The following SRGAP1 variants were observed in gnomAD, a reference collection of about 807,000 sequenced individuals.
The protein encoded by SRGAP1 is SLIT-ROBO Rho GTPase-activating protein 1.
A neutral mutation model predicts 121.9 loss-of-function variants in SRGAP1; 43 were observed. That is an observed-to-expected ratio of 0.35 (90% CI 0.28 to 0.46). The LOEUF is 0.46. Ranked by LOEUF, SRGAP1 falls within the 20% of genes least tolerant of loss-of-function variation. SRGAP1 has a pLI of 1.00. For synonymous variants in SRGAP1, 447 were observed against 485.4 expected (o/e 0.92, Z 1.04); for missense variants, 1,102 against 1,350.9 (o/e 0.82, Z 2.89).
At chr12:63,848,193 A>T (rs1488401036) in intron 1 of SRGAP1, among the ~76,000 whole-genome samples, 1 of 151,654 alleles carries the variant, frequency 6.6e-6, no homozygotes, top group Non-Finnish European at 1.5e-5. Context: ...TTTAGTAGAG[A>T]TGGGGTTTCG....
intron 1 of SRGAP1, among the ~76,000 whole-genome samples, chr12:63,861,195 T>C (rs1308744496): frequency 6.7e-6 from 1 of 149,530 alleles, no homozygotes; most frequent in Non-Finnish European, 1.5e-5. Flanking sequence ...TTTTTTTTAA[T>C]AGAGACAGGG....
At chr12:63,900,450 C>T (rs953306074) in intron 1 of SRGAP1, among the ~76,000 whole-genome samples, 6 of 151,698 alleles carry the variant, frequency 4.0e-5, no homozygotes, top group South Asian at 2.1e-4. Flanking sequence ...GTGGTCCACC[C>T]GCCTCAGCCT....
At chr12:63,938,773 A>G (rs2136347525) in intron 1 of SRGAP1, among the ~76,000 whole-genome samples, 1 of 151,212 alleles carries the variant, frequency 6.6e-6, no homozygotes, top group East Asian at 1.9e-4. Context: ...AAATTCCTTT[A>G]AGTTGAATGA....
At chr12:63,914,829 C>T (rs891686844) in intron 1 of SRGAP1, among the ~76,000 whole-genome samples, 4 of 151,728 alleles carry the variant, frequency 2.6e-5, no homozygotes, top group South Asian at 2.1e-4. Flanking sequence ...AGCTGACCTA[C>T]GTAATTAGGA....
At position 64,148,011 on chromosome 12, in the gene SRGAP1, GCA is replaced by G. The variant is rs2037079443; in HGVS notation, c.*5342_*5343del. On this transcript the variant is annotated 3_prime_UTR_variant, in exon 22 of 22. Transcript: ENST00000355086. Reference sequence around the variant, plus strand: ...TGTTCATTTGGAAATAGGGTGTCCTGCACAGGGCCCTGCCCATGAAGCTGTGG... The same window carrying G: ...TGTTCATTTGGAAATAGGGTGTCCTGCAGGGCCCTGCCCATGAAGCTGTGG... The G allele has an allele frequency of 2.9e-5, 5 of 174,442 alleles. No individual in the cohort carries two copies. Among genetic ancestry groups the G allele is most frequent in the African/African-American group, 1.2e-4 (5 of 42,450 alleles). 10.8% of individuals were successfully genotyped at this position (174,442 alleles called of 1,614,324 possible).
chr12:63,962,701 C>T (rs2032677602), intron 1 of SRGAP1, among the ~76,000 whole-genome samples: 1 of 152,180 alleles, frequency 6.6e-6, no homozygotes, highest in Non-Finnish European at 1.5e-5. Flanking sequence ...AGCCACCGCA[C>T]CCAGCCAAAA....
rs546962157 is a variant in SRGAP1, at chr12:63,980,173, C to T, written c.68-3774C>T. Reference sequence around the variant, plus strand: ...GCTCAAGCGATCCTTGCACCTCAGCCTCCTGGGTAGTTGGGATTGCAGGCA... The same window carrying T: ...GCTCAAGCGATCCTTGCACCTCAGCTTCCTGGGTAGTTGGGATTGCAGGCA... On this transcript the variant is annotated intron_variant, in intron 1 of 21. Transcript: ENST00000355086. 2.6e-5 allele frequency among the ~76,000 whole-genome samples: 4 copies of T among 152,334 alleles called. No homozygotes were observed. In the South Asian group the frequency reaches 6.2e-4, roughly 24 times the overall value.
chr12:64,108,754 C>T, intron 15 of SRGAP1, 178 bp from the exon 16 acceptor site: 1 of 400,088 alleles, frequency 2.5e-6, no homozygotes, highest in Non-Finnish European at 4.4e-6. Flanking sequence ...GAGATGCCCT[C>T]TGGAATGGTG....
intron 3 of SRGAP1, among the ~76,000 whole-genome samples, chr12:64,007,678 C>A (rs1200113015): frequency 1.3e-5 from 2 of 152,152 alleles, no homozygotes; most frequent in Non-Finnish European, 2.9e-5. Context: ...CATACCTACT[C>A]TATAAGGCTA....
At chr12:63,961,879 C>T (rs1267554999) in intron 1 of SRGAP1, among the ~76,000 whole-genome samples, 1 of 152,028 alleles carries the variant, frequency 6.6e-6, no homozygotes, top group African/African-American at 2.4e-5. Context: ...AGGTCGGGGG[C>T]TGGTGGATAT....
chr12:63,950,643 C>T (rs1164997388), intron 1 of SRGAP1, among the ~76,000 whole-genome samples: 1 of 152,044 alleles, frequency 6.6e-6, no homozygotes, highest in Non-Finnish European at 1.5e-5. Flanking sequence ...CCTCCGTGCC[C>T]TCCTTTCATC....
chr12:63,880,806 A>G (rs1438671910), intron 1 of SRGAP1, among the ~76,000 whole-genome samples: 1 of 152,182 alleles, frequency 6.6e-6, no homozygotes, highest in Non-Finnish European at 1.5e-5. Flanking sequence ...TGCAGTAGGA[A>G]CTATTTTATT....
intron 3 of SRGAP1, among the ~76,000 whole-genome samples, chr12:64,004,761 C>T (rs1311028726): frequency 6.6e-6 from 1 of 152,182 alleles, no homozygotes; most frequent in African/African-American, 2.4e-5. Context: ...AAGAAAGACA[C>T]TGATGAGGAG....
rs543867645 is a variant in SRGAP1, at chr12:64,058,244, T to C, written c.802-4673T>C. On this transcript the variant is annotated intron_variant, in intron 6 of 21. Coordinates refer to ENST00000355086, the MANE Select transcript of SRGAP1 (RefSeq NM_020762.4). The stretch of plus-strand genomic sequence containing the variant: ...TAACCCCACTGCAAATAGAGGAGCA[T>C]CTAGACTTTCAATGGCTCAACTTGC... Among the ~76,000 whole-genome samples, 8 of 152,304 alleles carry C rather than the reference T, an allele frequency of 5.3e-5. No individual in the cohort carries two copies. In the East Asian group the frequency reaches 1.5e-3, roughly 29 times the overall value.
chr12:64,062,102 A>G (rs1427073838), intron 6 of SRGAP1, among the ~76,000 whole-genome samples: 1 of 152,130 alleles, frequency 6.6e-6, no homozygotes, highest in East Asian at 1.9e-4. Context: ...AAACTACCAG[A>G]TTGCTTTCCA....
chr12:63,886,084 C>T (rs1393134606), intron 1 of SRGAP1, among the ~76,000 whole-genome samples: 4 of 151,960 alleles, frequency 2.6e-5, no homozygotes, highest in Admixed American at 6.6e-5. Context: ...CTTTGGAGAC[C>T]GAGTCTCACT....
chr12:63,919,166 C>T (rs1005508968), intron 1 of SRGAP1, among the ~76,000 whole-genome samples: 1 of 152,026 alleles, frequency 6.6e-6, no homozygotes. Flanking sequence ...GATTCTCCCA[C>T]CTCAGTCTCC....
At position 64,161,202 on chromosome 12, in the gene SRGAP1, C is replaced by T. The variant is rs181272284; in HGVS notation, c.*18530C>T. 3 of 152,254 alleles carry T rather than the reference C, an allele frequency of 2.0e-5. No homozygotes were observed. The highest frequency in any genetic ancestry group is 7.2e-5 in the African/African-American group (3 of 41,560). The allele number at this position is 152,254 out of a possible 1,614,324, so 9.4% of individuals were successfully genotyped here. On this transcript the variant is annotated 3_prime_UTR_variant, in exon 22 of 22. Coordinates refer to ENST00000355086, the MANE Select transcript of SRGAP1 (RefSeq NM_020762.4). ...ATTCTCAAAATCTTCCACAGAAATG[C>T]TTTCAAACTCAATGCATTAAAAACA...
chr12:63,950,233 A>T (rs531606364), intron 1 of SRGAP1, among the ~76,000 whole-genome samples: 1 of 152,316 alleles, frequency 6.6e-6, no homozygotes, highest in African/African-American at 2.4e-5. Context: ...CCCAGCCTCC[A>T]CATACCTTTT....
Sources: gnomAD v4.1 joint callset for allele counts (sites outside exome capture counted in the v4.1 genomes callset) on GRCh38, gnomAD v4.1.1 for gene constraint, MANE v1.5 for transcripts, NCBI Gene and HGNC (gene_info 2026-07-23, HGNC 2026-07-21) for gene names.